Variants in RNGTT observed in about 807,000 individuals in gnomAD.
RNGTT encodes RNA guanylyltransferase and 5'-phosphatase.
In RNGTT, 33 loss-of-function variants were observed where a neutral mutation model predicts 79.3. The ratio of observed to expected loss-of-function variants is 0.42; its 90% confidence interval spans 0.32 to 0.56. RNGTT has a LOEUF of 0.56. RNGTT is among the 20% of genes least tolerant of loss of function. The probability of loss-of-function intolerance (pLI) is 0.17; values close to 1 mark genes in which losing one functional copy is unlikely to be tolerated. For synonymous variants in RNGTT, 222 were observed against 235.9 expected, an observed-to-expected ratio of 0.94 and a Z score of 0.54; for missense variants, 497 against 739.1, an observed-to-expected ratio of 0.67 and a Z score of 3.80.
intron 8 of RNGTT, among the ~76,000 whole-genome samples, chr6:88,880,155 A>C (rs900399293): frequency 1.3e-5 from 2 of 151,666 alleles, no homozygotes; most frequent in East Asian, 3.9e-4. Context: ...CCTAGGGGTA[A>C]ATAAGTTTCC....
At chr6:88,737,633 A>G (rs1014136782) in intron 13 of RNGTT, among the ~76,000 whole-genome samples, 1 of 152,174 alleles carries the variant, frequency 6.6e-6, no homozygotes, top group African/African-American at 2.4e-5. Flanking sequence ...AAGTCTTATA[A>G]GAAAAGACAG....
intron 8 of RNGTT, among the ~76,000 whole-genome samples, chr6:88,889,940 A>G (rs1782987472): frequency 1.3e-5 from 2 of 152,170 alleles, no homozygotes; most frequent in South Asian, 4.1e-4. Flanking sequence ...GATCGTGCTA[A>G]GGCACTGCCG....
chr6:88,901,501 T>G lies in RNGTT; in HGVS notation c.684+3214A>C, dbSNP rs1319764604. On this transcript the variant is annotated intron_variant, in intron 6 of 15. Transcript: ENST00000369485. ...AACTGTCAAGCACCCTGATCTTTTT[T>G]TTTTTTTTTTTTTTTTTTTTTTTGA... 7.2e-3 allele frequency among the ~76,000 whole-genome samples: 427 copies of G among 59,396 alleles called. 4 individuals are homozygous for G. The highest frequency in any genetic ancestry group is 0.021 in the African/African-American group (392 of 18,580). 39.0% of individuals were successfully genotyped at this position (59,396 alleles called of 152,430 possible). A position where few individuals can be genotyped will look rare whatever the true frequency, so the allele number is the denominator to read the frequency against.
At chr6:88,956,112 T>C (rs561493887) in intron 1 of RNGTT, among the ~76,000 whole-genome samples, 6 of 147,250 alleles carry the variant, frequency 4.1e-5, no homozygotes, top group South Asian at 4.3e-4. Flanking sequence ...ATTAGCAAGA[T>C]TAACCAAGAA....
In RNGTT at chr6:88,611,897, G is replaced by A. The variant is rs1302818526; in HGVS notation, c.*822C>T. On this transcript the variant is annotated 3_prime_UTR_variant, in exon 16 of 16. Transcript: ENST00000369485. ...TTTACAATGTGCTGATACCACTGAG[G>A]TAAAGCAGAAGTAGCCCTGGCATTT... 1 of 152,600 alleles carries A rather than the reference G, an allele frequency of 6.6e-6. No homozygotes were observed. The highest frequency in any genetic ancestry group is 2.4e-5 in the African/African-American group (1 of 41,416). The allele number at this position is 152,600 out of a possible 1,614,324, so 9.5% of individuals were successfully genotyped here.
At chr6:88,690,476 G>C (rs115970545) in intron 13 of RNGTT, among the ~76,000 whole-genome samples, 47 of 152,100 alleles carry the variant, frequency 3.1e-4, no homozygotes, top group African/African-American at 9.9e-4. Flanking sequence ...GGAGACCAAG[G>C]TGGGAGGATC....
intron 13 of RNGTT, among the ~76,000 whole-genome samples, chr6:88,744,088 T>G (rs1435022766): frequency 6.6e-6 from 1 of 152,176 alleles, no homozygotes; most frequent in Non-Finnish European, 1.5e-5. Flanking sequence ...ATATTTGCAT[T>G]TGTCACTATA....
At chr6:88,733,190 A>C (rs1459361826) in intron 13 of RNGTT, among the ~76,000 whole-genome samples, 2 of 151,920 alleles carry the variant, frequency 1.3e-5, no homozygotes, top group African/African-American at 2.4e-5. Context: ...GCAAAACCCC[A>C]TCTCTACGAA....
At chr6:88,695,686 G>C (rs1009855828) in intron 13 of RNGTT, among the ~76,000 whole-genome samples, 6 of 152,186 alleles carry the variant, frequency 3.9e-5, no homozygotes, top group Non-Finnish European at 8.8e-5. Flanking sequence ...ATGACAAAGA[G>C]ATATCTGCAC....
intron 11 of RNGTT, among the ~76,000 whole-genome samples, chr6:88,811,762 C>T (rs985442099): frequency 6.6e-6 from 1 of 152,234 alleles, no homozygotes; most frequent in East Asian, 1.9e-4. Flanking sequence ...CTACCTCCAC[C>T]TTTCAGTTCT....
At chr6:88,810,467 T>C (rs1297186155) in intron 11 of RNGTT, among the ~76,000 whole-genome samples, 1 of 152,138 alleles carries the variant, frequency 6.6e-6, no homozygotes. Flanking sequence ...AAACCAAACA[T>C]TGGGAAGTGT....
chr6:88,846,518 CG>C (rs760386308), intron 10 of RNGTT, among the ~76,000 whole-genome samples: 11 of 152,084 alleles, frequency 7.2e-5, no homozygotes, highest in South Asian at 2.1e-4. Flanking sequence ...AAGGCTAAAG[CG>C]GGCAGATTGC....
At chr6:88,873,297 C>T (rs1007917846) in intron 8 of RNGTT, among the ~76,000 whole-genome samples, 2 of 152,042 alleles carry the variant, frequency 1.3e-5, no homozygotes, top group African/African-American at 4.8e-5. Context: ...AAAGATGATT[C>T]AAGGAAGAGA....
At chr6:88,785,382 CA>C (rs1230355668) in intron 12 of RNGTT, among the ~76,000 whole-genome samples, 4 of 150,274 alleles carry the variant, frequency 2.7e-5, no homozygotes, top group Admixed American at 6.6e-5. Flanking sequence ...CAACAAAATT[CA>C]AAAAAAAGTA....
intron 14 of RNGTT, among the ~76,000 whole-genome samples, chr6:88,672,350 T>C (rs1774686677): frequency 6.6e-6 from 1 of 152,070 alleles, no homozygotes; most frequent in South Asian, 2.1e-4. Context: ...CATATATATG[T>C]ATATGATGAA....
chr6:88,721,108 C>T (rs1201866826), intron 13 of RNGTT, among the ~76,000 whole-genome samples: 1 of 151,968 alleles, frequency 6.6e-6, no homozygotes, highest in Non-Finnish European at 1.5e-5. Context: ...AGGTGTTACC[C>T]AGAGTTTTAT....
intron 2 of RNGTT, among the ~76,000 whole-genome samples, chr6:88,931,187 T>TAAAAAAAAA (rs34070183): frequency 1.0e-3 from 102 of 101,820 alleles, no homozygotes; most frequent in East Asian, 2.0e-3. Context: ...TATAAAGCTG[T>TAAAAAAAAA]AAAAAAAAAA....
At chr6:88,794,250 T>C (rs959700167) in intron 12 of RNGTT, among the ~76,000 whole-genome samples, 1 of 152,200 alleles carries the variant, frequency 6.6e-6, no homozygotes, top group Middle Eastern at 3.2e-3. Flanking sequence ...TAGGGAAGAA[T>C]GGTGTTTGGA....
At chr6:88,891,725 C>A in intron 7 of RNGTT, 81 bp downstream of exon 7, 1 of 826,526 alleles carries the variant, frequency 1.2e-6, no homozygotes, top group Non-Finnish European at 1.8e-6. Context: ...CTTCAAGGAG[C>A]CAAGAAGATA....
Sources: gnomAD v4.1 joint callset for allele counts (sites outside exome capture counted in the v4.1 genomes callset) on GRCh38, gnomAD v4.1.1 for gene constraint, MANE v1.5 for transcripts, NCBI Gene and HGNC (gene_info 2026-07-23, HGNC 2026-07-21) for gene names.